Variants in FAF1 observed in about 807,000 individuals in gnomAD.
FAF1 encodes the protein FAS-associated factor 1.
Under a neutral mutation model 92.5 loss-of-function variants are expected in FAF1, and 25 were observed. That is an observed-to-expected ratio of 0.27 (90% confidence interval 0.20 to 0.38). The LOEUF is 0.38. Among genes scored for constraint, FAF1 ranks in the 10% least tolerant of loss-of-function variants. FAF1 has a pLI of 1.00. For synonymous variants in FAF1, 234 were observed against 273.2 expected, an observed-to-expected ratio of 0.86 and a Z score of 1.42; for missense variants, 636 against 793.3, an observed-to-expected ratio of 0.80 and a Z score of 2.38.
At chr1:50,850,715 T>G (rs1198391644) in intron 2 of FAF1, among the ~76,000 whole-genome samples, 1 of 152,124 alleles carries the variant, frequency 6.6e-6, no homozygotes, top group Non-Finnish European at 1.5e-5. Context: ...ACATGAACAC[T>G]TTAATTAATA....
At chr1:50,790,634 A>C (rs1052550287) in intron 3 of FAF1, among the ~76,000 whole-genome samples, 3 of 151,730 alleles carry the variant, frequency 2.0e-5, no homozygotes, top group Admixed American at 1.3e-4. Flanking sequence ...GTGGGGAGAG[A>C]GAGAACCATA....
At chr1:50,478,648 T>C (rs1031849062) in intron 17 of FAF1, among the ~76,000 whole-genome samples, 3 of 152,248 alleles carry the variant, frequency 2.0e-5, no homozygotes, top group Admixed American at 6.5e-5. Context: ...ATTTTAACCA[T>C]TGTTAAATGT....
At chr1:50,743,486 C>T (rs1659467856) in intron 5 of FAF1, among the ~76,000 whole-genome samples, 1 of 150,956 alleles carries the variant, frequency 6.6e-6, no homozygotes, top group South Asian at 2.1e-4. Context: ...TGCCACCACG[C>T]CCAGCTAATT....
At chr1:50,687,449 T>C (rs750493726) in intron 7 of FAF1, among the ~76,000 whole-genome samples, 32 of 151,280 alleles carry the variant, frequency 2.1e-4, no homozygotes, top group Non-Finnish European at 3.7e-4. Context: ...AATAAACACA[T>C]GAAATGATGC....
At chr1:50,629,480 T>C (rs1457521177) in intron 8 of FAF1, among the ~76,000 whole-genome samples, 1 of 152,084 alleles carries the variant, frequency 6.6e-6, no homozygotes, top group Non-Finnish European at 1.5e-5. Context: ...CCAGATAAGA[T>C]TCTTTAAGGA....
chr1:50,473,363 A>G (rs1020222712), intron 18 of FAF1, among the ~76,000 whole-genome samples: 5 of 152,080 alleles, frequency 3.3e-5, no homozygotes, highest in Non-Finnish European at 7.4e-5. Flanking sequence ...AAGTCCTTAA[A>G]CTCTATTTCT....
intron 7 of FAF1, among the ~76,000 whole-genome samples, chr1:50,683,887 G>A (rs1420765727): frequency 2.0e-5 from 3 of 150,988 alleles, no homozygotes; most frequent in Non-Finnish European, 4.4e-5. Context: ...AGCCAAGATC[G>A]CGCCATTGCA....
chr1:50,847,031 C>T (rs1644307434), intron 2 of FAF1, among the ~76,000 whole-genome samples: 1 of 152,176 alleles, frequency 6.6e-6, no homozygotes, highest in South Asian at 2.1e-4. Context: ...TCACTGACAG[C>T]TTCTCTGTAA....
At chr1:50,825,782 T>C (rs1380445566) in intron 2 of FAF1, among the ~76,000 whole-genome samples, 2 of 152,024 alleles carry the variant, frequency 1.3e-5, no homozygotes, top group African/African-American at 2.4e-5. Flanking sequence ...ATAAAGCAAA[T>C]ATCAATGAAT....
intron 15 of FAF1, among the ~76,000 whole-genome samples, chr1:50,498,106 C>T (rs780133619): frequency 2.6e-5 from 4 of 152,046 alleles, no homozygotes; most frequent in Non-Finnish European, 4.4e-5. Flanking sequence ...AAGAAATCCT[C>T]ACATATATGT....
At chr1:50,621,698 C>T (rs551341679) in intron 8 of FAF1, among the ~76,000 whole-genome samples, 80 of 151,902 alleles carry the variant, frequency 5.3e-4, no homozygotes, top group African/African-American at 1.8e-3. Flanking sequence ...CTGCACCTGG[C>T]CCAGCCCCGA....
At chr1:50,549,080 A>G (rs1206325539) in intron 13 of FAF1, among the ~76,000 whole-genome samples, 2 of 152,190 alleles carry the variant, frequency 1.3e-5, no homozygotes, top group South Asian at 2.1e-4. Context: ...TATAGCACCA[A>G]TCTCAGACTC....
At chr1:50,880,479 G>A (rs527443062) in intron 1 of FAF1, among the ~76,000 whole-genome samples, 8 of 152,260 alleles carry the variant, frequency 5.3e-5, no homozygotes, top group South Asian at 2.1e-4. Context: ...TCACAAGGAC[G>A]GGGCACTGAT....
At chr1:50,472,437 A>G (rs1646588443) in intron 18 of FAF1, among the ~76,000 whole-genome samples, 1 of 149,830 alleles carries the variant, frequency 6.7e-6, no homozygotes, top group Non-Finnish European at 1.5e-5. Flanking sequence ...CCCAAAACCA[A>G]GTAACTCAAT....
chr1:50,630,961 C>A (rs1653755455), intron 8 of FAF1, among the ~76,000 whole-genome samples: 1 of 151,364 alleles, frequency 6.6e-6, no homozygotes, highest in African/African-American at 2.4e-5. Flanking sequence ...TGCCACCATG[C>A]CCGGCTAATT....
At chr1:50,885,311 CT>C in intron 1 of FAF1, among the ~76,000 whole-genome samples, 1 of 148,222 alleles carries the variant, frequency 6.7e-6, no homozygotes, top group Non-Finnish European at 1.5e-5. Flanking sequence ...CTCTCTCTCT[CT>C]CACACACACA....
intron 1 of FAF1, among the ~76,000 whole-genome samples, chr1:50,870,103 T>C (rs970102891): frequency 3.3e-5 from 5 of 152,228 alleles, no homozygotes; most frequent in African/African-American, 1.2e-4. Flanking sequence ...TTGACAGAAT[T>C]TTGTATAAGC....
chr1:50,708,737 T>C (rs1475321280), intron 6 of FAF1, among the ~76,000 whole-genome samples: 1 of 152,034 alleles, frequency 6.6e-6, no homozygotes, highest in African/African-American at 2.4e-5. Context: ...TGAGTCAGTT[T>C]AAAGGAGATT....
chr1:50,949,424 T>C (rs1031328016), intron 1 of FAF1, among the ~76,000 whole-genome samples: 1 of 152,250 alleles, frequency 6.6e-6, no homozygotes, highest in Admixed American at 6.5e-5. Flanking sequence ...CACTAAATGC[T>C]AGTAGCAGCC....
Sources: allele counts gnomAD v4.1 joint callset (sites outside exome capture counted in the v4.1 genomes callset), GRCh38; gene constraint gnomAD v4.1.1; transcripts MANE v1.5; gene names NCBI Gene and HGNC (gene_info 2026-07-23, HGNC 2026-07-21).